The following AFF3 variants were observed in gnomAD, a reference collection of about 807,000 sequenced individuals.
AFF3 encodes ALF transcription elongation factor 3.
Under a neutral mutation model 129.7 loss-of-function variants are expected in AFF3, and 32 were observed. That is an observed-to-expected ratio of 0.25 (90% CI 0.19 to 0.33). The LOEUF (loss-of-function observed/expected upper bound fraction) is 0.33. Among genes scored for constraint, AFF3 ranks in the 10% least tolerant of loss-of-function variants. The pLI, the probability that AFF3 is intolerant of heterozygous loss-of-function variation, is 1.00. For missense variants in AFF3, 1,373 were observed against 1,592.0 expected (o/e 0.86, Z 2.34); for synonymous variants, 644 against 635.4 (o/e 1.01, Z -0.20).
At chr2:99,869,195 A>C (rs999764258) in intron 7 of AFF3, among the ~76,000 whole-genome samples, 14 of 152,202 alleles carry the variant, frequency 9.2e-5, no homozygotes, top group Admixed American at 2.6e-4. Flanking sequence ...CACCAAAAAA[A>C]TCTGACACCA....
chr2:100,117,923 A>G (rs1691793319), intron 2 of AFF3, among the ~76,000 whole-genome samples: 1 of 152,096 alleles, frequency 6.6e-6, no homozygotes, highest in Non-Finnish European at 1.5e-5. Flanking sequence ...TTCCAACCCA[A>G]ATGATAGAGA....
chr2:100,056,649 G>C (rs1686813118), intron 4 of AFF3, among the ~76,000 whole-genome samples: 1 of 152,124 alleles, frequency 6.6e-6, no homozygotes, highest in African/African-American at 2.4e-5. Context: ...CCAACTTAAA[G>C]ATCATTTTTC....
intron 7 of AFF3, among the ~76,000 whole-genome samples, chr2:99,850,880 T>A (rs953031098): frequency 2.0e-5 from 3 of 152,198 alleles, no homozygotes; most frequent in Non-Finnish European, 4.4e-5. Context: ...ATTAATTGGG[T>A]AGAGATTTGA....
chr2:99,672,082 G>A (rs1317240690), intron 12 of AFF3, among the ~76,000 whole-genome samples: 2 of 151,842 alleles, frequency 1.3e-5, no homozygotes, highest in Non-Finnish European at 2.9e-5. Context: ...AATAATATCT[G>A]TGTAAGACTT....
At chr2:99,566,237 C>T (rs1280762447) in intron 19 of AFF3, among the ~76,000 whole-genome samples, 1 of 151,680 alleles carries the variant, frequency 6.6e-6, no homozygotes, top group Non-Finnish European at 1.5e-5. Flanking sequence ...TAGGCCACCA[C>T]ACCTGGCCTC....
intron 10 of AFF3, among the ~76,000 whole-genome samples, chr2:99,741,119 C>T (rs1206879689): frequency 5.3e-5 from 8 of 152,204 alleles, no homozygotes; most frequent in Admixed American, 2.6e-4. Flanking sequence ...TGTAGACATG[C>T]GGCGTTATTT....
intron 18 of AFF3, among the ~76,000 whole-genome samples, chr2:99,575,393 G>T (rs2104746784): frequency 6.6e-6 from 1 of 150,706 alleles, no homozygotes; most frequent in East Asian, 1.9e-4. Context: ...CTGAGTAGCT[G>T]GGATTACAGG....
At chr2:99,676,126 C>T (rs1434446323) in intron 11 of AFF3, among the ~76,000 whole-genome samples, 1 of 152,036 alleles carries the variant, frequency 6.6e-6, no homozygotes, top group Non-Finnish European at 1.5e-5. Flanking sequence ...GGTTACACCC[C>T]TACTCCTGGG....
chr2:99,564,756 G>C, intron 20 of AFF3, among the ~76,000 whole-genome samples: 1 of 152,182 alleles, frequency 6.6e-6, no homozygotes, highest in South Asian at 2.1e-4. Context: ...CCCAGAATCA[G>C]AAAAACTTTT....
At chr2:99,605,584 G>GGCAGCT (rs1054124902) in intron 13 of AFF3, among the ~76,000 whole-genome samples, 38 of 152,168 alleles carry the variant, frequency 2.5e-4, no homozygotes, top group African/African-American at 8.7e-4. Context: ...CCCATCGTGG[G>GGCAGCT]GCAGCTGCAG....
chr2:100,059,504 G>A (rs1687079642), intron 4 of AFF3, among the ~76,000 whole-genome samples: 1 of 152,150 alleles, frequency 6.6e-6, no homozygotes, highest in Non-Finnish European at 1.5e-5. Context: ...ACTAGTGGGA[G>A]TTTACTGGTA....
At chr2:99,945,065 C>T (rs1205019162) in intron 7 of AFF3, among the ~76,000 whole-genome samples, 2 of 152,160 alleles carry the variant, frequency 1.3e-5, no homozygotes, top group African/African-American at 4.8e-5. Context: ...GCATCCTGCT[C>T]TTGGGGAGAC....
At chr2:99,874,016 T>C (rs1460925328) in intron 7 of AFF3, among the ~76,000 whole-genome samples, 1 of 151,226 alleles carries the variant, frequency 6.6e-6, no homozygotes, top group East Asian at 1.9e-4. Context: ...CTACTAAAAA[T>C]AGAAAAAAAA....
At chr2:100,137,762 G>A (rs532448752) in intron 1 of AFF3, among the ~76,000 whole-genome samples, 1 of 152,350 alleles carries the variant, frequency 6.6e-6, no homozygotes, top group South Asian at 2.1e-4. Flanking sequence ...GGTGAAAGGA[G>A]TGTATCATAT....
intron 18 of AFF3, among the ~76,000 whole-genome samples, chr2:99,570,596 C>G (rs571666343): frequency 6.6e-6 from 1 of 152,274 alleles, no homozygotes; most frequent in East Asian, 1.9e-4. Context: ...CCTCGGCCTC[C>G]CAAAGTGCTG....
chr2:99,597,232 C>T (rs761458135), intron 14 of AFF3, among the ~76,000 whole-genome samples: 6 of 152,160 alleles, frequency 3.9e-5, no homozygotes, highest in East Asian at 1.9e-4. Flanking sequence ...TTGGCATAGC[C>T]TCGTGAAAGG....
intron 2 of AFF3, among the ~76,000 whole-genome samples, chr2:100,114,840 A>G (rs1691670507): frequency 6.6e-6 from 1 of 152,256 alleles, no homozygotes; most frequent in South Asian, 2.1e-4. Flanking sequence ...AGTTCATTCC[A>G]AAATGAAAAG....
intron 12 of AFF3, among the ~76,000 whole-genome samples, chr2:99,657,980 C>T (rs1245051846): frequency 6.6e-6 from 1 of 152,188 alleles, no homozygotes. Context: ...TTGAGCATTT[C>T]TAGGACATTT....
At chr2:99,817,195 C>T (rs1031526298) in intron 8 of AFF3, among the ~76,000 whole-genome samples, 2 of 152,200 alleles carry the variant, frequency 1.3e-5, no homozygotes, top group Non-Finnish European at 1.5e-5. Flanking sequence ...CCCAGGTCTT[C>T]CCTTGGGGCA....
Sources: gnomAD v4.1 joint callset for allele counts (sites outside exome capture counted in the v4.1 genomes callset) on GRCh38, gnomAD v4.1.1 for gene constraint, MANE v1.5 for transcripts, NCBI Gene and HGNC (gene_info 2026-07-23, HGNC 2026-07-21) for gene names.